GPC6: variants seen among roughly 807,000 people sequenced by gnomAD.
GPC6 encodes the protein glypican-6.
Under a neutral mutation model 55.2 loss-of-function variants are expected in GPC6, and 14 were observed. The observed-to-expected ratio is 0.25, with a 90% CI of 0.17 to 0.40. The LOEUF is 0.40. Ranked by LOEUF, GPC6 falls within the 10% of genes least tolerant of loss-of-function variation. The pLI, the probability that GPC6 is intolerant of heterozygous loss-of-function variation, is 1.00. For missense variants in GPC6, 641 were observed against 708.5 expected (o/e 0.90, Z 1.08); for synonymous variants, 278 against 259.6 (o/e 1.07, Z -0.68).
chr13:93,332,878 G>A (rs757461562), intron 1 of GPC6, among the ~76,000 whole-genome samples: 2 of 152,072 alleles, frequency 1.3e-5, no homozygotes, highest in East Asian at 1.9e-4. Flanking sequence ...TTTGATTTTT[G>A]TATTCAGTGA....
intron 3 of GPC6, among the ~76,000 whole-genome samples, chr13:93,981,063 T>C (rs972875680): frequency 1.3e-5 from 2 of 152,156 alleles, no homozygotes; most frequent in Non-Finnish European, 2.9e-5. Flanking sequence ...TTCAGAATAA[T>C]ATTTAATTAT....
At chr13:93,315,858 A>C (rs1373350390) in intron 1 of GPC6, among the ~76,000 whole-genome samples, 1 of 151,880 alleles carries the variant, frequency 6.6e-6, no homozygotes, top group African/African-American at 2.4e-5. Flanking sequence ...TGTTCTGAAG[A>C]TATTTTGTTG....
chr13:93,874,414 G>GT (rs1889225418), intron 3 of GPC6, among the ~76,000 whole-genome samples: 1 of 151,698 alleles, frequency 6.6e-6, no homozygotes, highest in Non-Finnish European at 1.5e-5. Flanking sequence ...ATTCCGTGGT[G>GT]TATATGTACC....
At chr13:93,701,737 C>T (rs2138795411) in intron 2 of GPC6, among the ~76,000 whole-genome samples, 1 of 152,166 alleles carries the variant, frequency 6.6e-6, no homozygotes, top group East Asian at 1.9e-4. Flanking sequence ...ACAGCATCTT[C>T]TCCAGGACTA....
chr13:93,859,731 A>C (rs925580662), intron 3 of GPC6, among the ~76,000 whole-genome samples: 1 of 151,568 alleles, frequency 6.6e-6, no homozygotes, highest in Non-Finnish European at 1.5e-5. Flanking sequence ...GATTTCTGTG[A>C]GCTACATTGG....
chr13:93,994,393 A>G (rs139151155), intron 3 of GPC6, among the ~76,000 whole-genome samples: 130 of 152,294 alleles, frequency 8.5e-4, no homozygotes, highest in African/African-American at 3.0e-3. Context: ...GAATAGATTT[A>G]GTTCTTCAGA....
chr13:93,894,448 AT>A (rs1047885562), intron 3 of GPC6, among the ~76,000 whole-genome samples: 2 of 152,192 alleles, frequency 1.3e-5, no homozygotes, highest in African/African-American at 2.4e-5. Context: ...CATACATCTC[AT>A]TATGTTCATC....
intron 1 of GPC6, among the ~76,000 whole-genome samples, chr13:93,525,896 T>C (rs1173956299): frequency 1.3e-5 from 2 of 152,100 alleles, no homozygotes; most frequent in Non-Finnish European, 2.9e-5. Flanking sequence ...GCTCACAACC[T>C]ACTCACACAA....
At chr13:94,098,413 TA>T (rs1437626507) in intron 4 of GPC6, among the ~76,000 whole-genome samples, 1 of 152,086 alleles carries the variant, frequency 6.6e-6, no homozygotes, top group African/African-American at 2.4e-5. Context: ...TGTAAATTGC[TA>T]GGTACATAGT....
At chr13:94,354,411 A>G (rs1473936886) in intron 6 of GPC6, among the ~76,000 whole-genome samples, 1 of 152,212 alleles carries the variant, frequency 6.6e-6, no homozygotes, top group Admixed American at 6.5e-5. Flanking sequence ...GAGATAATCT[A>G]TATCCAAATG....
At chr13:93,301,020 A>G (rs1441532197) in intron 1 of GPC6, among the ~76,000 whole-genome samples, 1 of 112,916 alleles carries the variant, frequency 8.9e-6, no homozygotes, top group East Asian at 4.9e-4. Context: ...ACTCCGTCTC[A>G]AAAAAAAAAA....
rs1033299365 is a variant in GPC6 at position 93,930,402 on chromosome 13, G to A, written c.712-97327G>A. ...TTCTCCTGCTTCAGCCTCCCGAGTA[G>A]CTGGGACTACAGGCACCCGCCACCA... On this transcript the variant is annotated intron_variant, in intron 3 of 8. Transcript: ENST00000377047. Among the ~76,000 whole-genome samples the A allele has an allele frequency of 6.0e-5, 9 of 151,130 alleles. No individual in the cohort carries two copies. The Admixed American group carries it at 6.0e-4, about 10-fold the overall frequency.
chr13:93,217,444 A>C, the GPC6 span, among the ~76,000 whole-genome samples: 2 of 152,216 alleles, frequency 1.3e-5, no homozygotes, highest in Admixed American at 1.3e-4. Flanking sequence ...CATGATCACT[A>C]TGTTTTCGAG....
intron 4 of GPC6, among the ~76,000 whole-genome samples, chr13:94,241,790 C>A (rs1453029102): frequency 6.6e-6 from 1 of 152,134 alleles, no homozygotes; most frequent in Non-Finnish European, 1.5e-5. Context: ...GGCTTTATCT[C>A]TACCCCTAAA....
intron 2 of GPC6, among the ~76,000 whole-genome samples, chr13:93,647,515 A>C (rs1304134393): frequency 6.6e-6 from 1 of 152,180 alleles, no homozygotes; most frequent in Non-Finnish European, 1.5e-5. Flanking sequence ...TAGGGAACTC[A>C]TGAGAACTAA....
At chr13:93,829,286 G>A (rs1040272360) in intron 2 of GPC6, among the ~76,000 whole-genome samples, 2 of 152,308 alleles carry the variant, frequency 1.3e-5, no homozygotes, top group Non-Finnish European at 2.9e-5. Context: ...CACACACAAA[G>A]TGTGTCTTGA....
At chr13:94,286,512 T>C (rs758567630) in intron 5 of GPC6, 33 bp downstream of exon 5, 2 of 1,597,992 alleles carry the variant, frequency 1.3e-6, no homozygotes, top group Middle Eastern at 1.7e-4. Context: ...TGCCAATACA[T>C]GTATGTTATA....
At position 93,366,216 on chromosome 13, in the gene GPC6, A is replaced by G. The variant is rs1009751953; in HGVS notation, c.160+138600A>G. Among the ~76,000 whole-genome samples, 5 of 152,262 alleles carry G rather than the reference A, an allele frequency of 3.3e-5. No individual in the cohort carries two copies. The East Asian group carries it at 9.7e-4, about 29-fold the overall frequency. On this transcript the variant is annotated intron_variant, in intron 1 of 8. Coordinates refer to ENST00000377047, the MANE Select transcript of GPC6 (RefSeq NM_005708.5). ...TATTTATAGCAGTCTGTAAATTTACATGGAAAAACCCCAATAAACTTTACA... is the reference window on the plus strand; with the variant it reads ...TATTTATAGCAGTCTGTAAATTTACGTGGAAAAACCCCAATAAACTTTACA...
At chr13:93,983,000 A>G (rs1399339228) in intron 3 of GPC6, among the ~76,000 whole-genome samples, 1 of 152,200 alleles carries the variant, frequency 6.6e-6, no homozygotes, top group East Asian at 1.9e-4. Context: ...GCAAATGTAC[A>G]TTCTAGTCTG....
Sources: gnomAD v4.1 joint callset for allele counts (sites outside exome capture counted in the v4.1 genomes callset) on GRCh38, gnomAD v4.1.1 for gene constraint, MANE v1.5 for transcripts, NCBI Gene and HGNC (gene_info 2026-07-23, HGNC 2026-07-21) for gene names.